ACACB: variants seen among roughly 807,000 people sequenced by gnomAD.
The protein encoded by ACACB is acetyl-CoA carboxylase beta.
ACACB carries 209 observed loss-of-function variants against 278.8 expected under a neutral mutation model. The observed-to-expected ratio is 0.75, with a 90% CI of 0.67 to 0.84. The LOEUF is 0.84. Ranked by LOEUF, ACACB falls within the 40% of genes least tolerant of loss-of-function variation. The probability of loss-of-function intolerance (pLI) is 0.00; values close to 1 mark genes in which losing one functional copy is unlikely to be tolerated. For missense variants in ACACB, 2,850 were observed against 3,269.0 expected (o/e 0.87, Z 3.13); for synonymous variants, 1,174 against 1,285.6 (o/e 0.91, Z 1.86).
At chr12:109,220,553 G>GT (rs1055049149) in intron 24 of ACACB, among the ~76,000 whole-genome samples, 22 of 152,096 alleles carry the variant, frequency 1.4e-4, no homozygotes, top group East Asian at 3.9e-4. Flanking sequence ...TGTTGTTGTT[G>GT]TTGTTTGTTT....
chr12:109,158,073 A>T (rs1418198809), intron 2 of ACACB, among the ~76,000 whole-genome samples: 1 of 152,156 alleles, frequency 6.6e-6, no homozygotes, highest in Non-Finnish European at 1.5e-5. Flanking sequence ...CCCCCTAGAC[A>T]TGCTGATGGG....
intron 3 of ACACB, 71 bp from the exon 4 acceptor site, chr12:109,167,825 C>T (rs1007894452): frequency 1.2e-5 from 20 of 1,609,154 alleles, no homozygotes; most frequent in Admixed American, 1.0e-4. Flanking sequence ...GTGAGGTGGA[C>T]TCGGGGTAGC....
intron 19 of ACACB, 25 bp downstream of exon 19, chr12:109,201,726 C>T: frequency 6.2e-7 from 1 of 1,611,844 alleles, no homozygotes. Context: ...GGCCCAAGTG[C>T]TCTGGCTGGT....
At chr12:109,251,992 G>C (rs2047107345) in intron 41 of ACACB, 54 bp from the exon 42 acceptor site, 8 of 1,370,652 alleles carry the variant, frequency 5.8e-6, no homozygotes, top group South Asian at 1.3e-5. Flanking sequence ...CCCTGCTGTG[G>C]GGGGTGGGTC....
chr12:109,246,456 G>A lies in ACACB; in HGVS notation c.5571+8G>A, dbSNP rs201254797. ...CCAGAAGACCCCCACAAAGTACGTCGTGAAACTGGCGGGGCAGGGTGATTC... is the reference window on the plus strand; with the variant it reads ...CCAGAAGACCCCCACAAAGTACGTCATGAAACTGGCGGGGCAGGGTGATTC... On this transcript the variant is annotated splice_region_variant and intron_variant, in intron 39 of 52. Transcript: ENST00000338432. 2.5e-4 allele frequency: 399 copies of A among 1,606,490 alleles called. 8 individuals carry two copies. In the South Asian group the frequency reaches 3.5e-3, roughly 14 times the overall value.
chr12:109,258,604 T>C (rs1383786759), intron 46 of ACACB, among the ~76,000 whole-genome samples: 2 of 152,130 alleles, frequency 1.3e-5, no homozygotes, highest in Non-Finnish European at 2.9e-5. Flanking sequence ...TAGAAACCCC[T>C]CCCACCTCCT....
chr12:109,184,305 G>A (rs574833487), intron 11 of ACACB, among the ~76,000 whole-genome samples: 20 of 152,062 alleles, frequency 1.3e-4, no homozygotes, highest in African/African-American at 4.8e-4. Flanking sequence ...AGCCCACCTC[G>A]GCCTCCCAAA....
rs149361502 is a variant in ACACB, at chr12:109,227,541, C to T, written c.4001+52C>T. 6.4e-4 allele frequency: 982 copies of T among 1,545,814 alleles called. 5 individuals are homozygous for T. The African/African-American group carries it at 0.012, about 19-fold the overall frequency. Reference sequence around the variant, plus strand: ...GGCCTGTGTTTCTGTTCTTCCTGACCTCTGTCGTCCTGTCTCTGGAAGGAC... The same window carrying T: ...GGCCTGTGTTTCTGTTCTTCCTGACTTCTGTCGTCCTGTCTCTGGAAGGAC... On this transcript the variant is annotated intron_variant, in intron 28 of 52. Transcript: ENST00000338432.
At chr12:109,193,073 C>G (rs1478630916) in intron 15 of ACACB, among the ~76,000 whole-genome samples, 2 of 152,148 alleles carry the variant, frequency 1.3e-5, no homozygotes, top group African/African-American at 2.4e-5. Flanking sequence ...GAAATTTTTC[C>G]AAGAGACCGT....
Position 109,245,611 on chromosome 12 carries a change from C to A in ACACB, c.5179-15C>A, listed in dbSNP as rs2046918549. 6.2e-7 allele frequency: 1 copy of A among 1,608,776 alleles called. No homozygotes were observed. Among genetic ancestry groups the A allele is most frequent in the South Asian group, 1.1e-5 (1 of 89,860 alleles). Reference sequence around the variant, plus strand: ...GATGACTTCAAGTTTTTTCTCTTTCCTCTTCTCTCCCCAGGCTCTCTTTAA... The same window carrying A: ...GATGACTTCAAGTTTTTTCTCTTTCATCTTCTCTCCCCAGGCTCTCTTTAA... On this transcript the variant is annotated splice_polypyrimidine_tract_variant and intron_variant, in intron 37 of 52. Transcript: ENST00000338432.
rs556326439 is a variant in ACACB, at chr12:109,119,927, C to T, written c.-10+3223C>T. On this transcript the variant is annotated intron_variant, in intron 1 of 52. Coordinates refer to ENST00000338432, the MANE Select transcript of ACACB (RefSeq NM_001093.4). ...AAAAAAAAAGGATTAAAGGATTTTCCACCACTCCTGTTGAACTAATTAAGC... is the reference window on the plus strand; with the variant it reads ...AAAAAAAAAGGATTAAAGGATTTTCTACCACTCCTGTTGAACTAATTAAGC... 4.2e-4 allele frequency among the ~76,000 whole-genome samples: 64 copies of T among 152,126 alleles called. No homozygotes were observed. In the South Asian group the frequency reaches 6.4e-3, roughly 15 times the overall value.
chr12:109,169,610 G>A (rs192781688), intron 4 of ACACB, among the ~76,000 whole-genome samples: 44 of 152,278 alleles, frequency 2.9e-4, no homozygotes, highest in Admixed American at 1.9e-3. Context: ...CTTGGCACCT[G>A]CTGGAACCTC....
upstream of ACACB, among the ~76,000 whole-genome samples, chr12:109,112,058 C>T (rs1208925107): frequency 2.0e-5 from 3 of 151,974 alleles, no homozygotes; most frequent in Non-Finnish European, 2.9e-5. Flanking sequence ...ACACTTCTCT[C>T]TCTCCCGGTG....
intron 7 of ACACB, 127 bp from the exon 8 acceptor site, chr12:109,175,804 G>T: frequency 1.4e-6 from 1 of 704,564 alleles, no homozygotes; most frequent in African/African-American, 1.8e-5. Context: ...TGAAGGGAGT[G>T]TCTGTATTCC....
intron 4 of ACACB, 107 bp downstream of exon 4, chr12:109,168,141 C>A: frequency 8.1e-7 from 1 of 1,227,314 alleles, no homozygotes; most frequent in Non-Finnish European, 1.1e-6. Context: ...ATGGTCAGGA[C>A]CTCTCATGAG....
chr12:109,204,154 G>A (rs1236616194), intron 19 of ACACB, among the ~76,000 whole-genome samples: 1 of 151,886 alleles, frequency 6.6e-6, no homozygotes. Flanking sequence ...ATTACCTCAA[G>A]CATTTTTCAT....
chr12:109,224,786 C>T (rs1424926917), intron 27 of ACACB, among the ~76,000 whole-genome samples: 1 of 152,058 alleles, frequency 6.6e-6, no homozygotes, highest in Non-Finnish European at 1.5e-5. Context: ...CCTGCCTCAG[C>T]CTCCCAATAA....
intron 17 of ACACB, among the ~76,000 whole-genome samples, chr12:109,198,658 C>G (rs935514800): frequency 1.3e-5 from 2 of 152,180 alleles, no homozygotes; most frequent in African/African-American, 4.8e-5. Context: ...GATTGTGCCA[C>G]TGCACTCCAG....
At chr12:109,170,824 T>G (rs246096) in intron 4 of ACACB, among the ~76,000 whole-genome samples, 127,672 of 151,288 alleles carry the variant, frequency 0.84, 54,371 homozygotes, top group Middle Eastern at 0.9. Flanking sequence ...TAAAACTCTG[T>G]ATTGTATTTT....
Sources: allele counts gnomAD v4.1 joint callset (sites outside exome capture counted in the v4.1 genomes callset), GRCh38; gene constraint gnomAD v4.1.1; transcripts MANE v1.5; gene names NCBI Gene and HGNC (gene_info 2026-07-23, HGNC 2026-07-21).